ABCB1: variants seen among roughly 807,000 people sequenced by gnomAD.
ABCB1 encodes ATP binding cassette subfamily B member 1.
ABCB1 carries 69 observed loss-of-function variants against 142.0 expected under a neutral mutation model. The observed-to-expected ratio is 0.49, with a 90% CI of 0.40 to 0.59. The LOEUF is 0.59. ABCB1 is among the 20% of genes least tolerant of loss of function. The probability of loss-of-function intolerance (pLI) is 0.00; values close to 1 mark genes in which losing one functional copy is unlikely to be tolerated. For synonymous variants in ABCB1, 532 were observed against 539.2 expected (o/e 0.99, Z 0.18); for missense variants, 1,326 against 1,554.7 (o/e 0.85, Z 2.47).
chr7:87,700,632 A>C, intron 1 of ABCB1: 15 of 1,319,050 alleles, frequency 1.1e-5, no homozygotes, highest in Non-Finnish European at 1.6e-5. Context: ...GTGTGAAGCT[A>C]CTTACTATGA....
At chr7:87,627,009 C>T (rs1180699568) in intron 1 of ABCB1, among the ~76,000 whole-genome samples, 1 of 152,004 alleles carries the variant, frequency 6.6e-6, no homozygotes, top group Admixed American at 6.6e-5. Context: ...CTCCTGACCT[C>T]GTGATCCGCC....
At chr7:87,606,304 C>T (rs1358534705) in intron 1 of ABCB1, among the ~76,000 whole-genome samples, 1 of 151,972 alleles carries the variant, frequency 6.6e-6, no homozygotes, top group African/African-American at 2.4e-5. Context: ...ATCACATGCT[C>T]ACAAGAGTTA....
intron 25 of ABCB1, 99 bp from the exon 26 acceptor site, chr7:87,509,580 G>C: frequency 7.8e-7 from 1 of 1,289,180 alleles, no homozygotes; most frequent in Non-Finnish European, 1.1e-6. Context: ...CCAAGTTACT[G>C]TGAGATTAAG....
intron 1 of ABCB1, among the ~76,000 whole-genome samples, chr7:87,611,961 G>A (rs1413822478): frequency 6.6e-6 from 1 of 151,992 alleles, no homozygotes; most frequent in African/African-American, 2.4e-5. Context: ...TGACCTTAAA[G>A]GAGCTTCTAA....
chr7:87,556,384 G>C (rs75944968), intron 8 of ABCB1, among the ~76,000 whole-genome samples: 255 of 152,256 alleles, frequency 1.7e-3, no homozygotes, highest in African/African-American at 5.5e-3. Flanking sequence ...CTATACGATT[G>C]AATGGAATTT....
intron 1 of ABCB1, among the ~76,000 whole-genome samples, chr7:87,675,596 A>T (rs960993935): frequency 6.6e-6 from 1 of 150,376 alleles, no homozygotes; most frequent in Non-Finnish European, 1.5e-5. Flanking sequence ...AGAGTACACA[A>T]TAGGGAAAGG....
intron 21 of ABCB1, among the ~76,000 whole-genome samples, chr7:87,529,861 G>A (rs770602582): frequency 6.6e-6 from 1 of 152,202 alleles, no homozygotes; most frequent in South Asian, 2.1e-4. Context: ...AGGGGCCAAC[G>A]TTACTTGAGC....
chr7:87,698,758 T>C (rs553381787), intron 1 of ABCB1, among the ~76,000 whole-genome samples: 13 of 152,308 alleles, frequency 8.5e-5, no homozygotes, highest in East Asian at 7.7e-4. Flanking sequence ...TCTTACCGCC[T>C]AATATGTGAA....
intron 1 of ABCB1, among the ~76,000 whole-genome samples, chr7:87,625,053 G>A (rs1169502505): frequency 1.3e-5 from 2 of 152,122 alleles, no homozygotes; most frequent in Non-Finnish European, 2.9e-5. Context: ...TCAGGAGATC[G>A]AGACCATCCT....
At chr7:87,550,984 A>G (rs1817040310) in intron 9 of ABCB1, 146 bp from the exon 10 acceptor site, 1 of 654,290 alleles carries the variant, frequency 1.5e-6, no homozygotes, top group East Asian at 2.7e-5. Flanking sequence ...AAATATTTTA[A>G]AAGTTTGTAA....
At chr7:87,561,124 T>C in intron 8 of ABCB1, 139 bp downstream of exon 8, 1 of 958,354 alleles carries the variant, frequency 1.0e-6, no homozygotes, top group Non-Finnish European at 1.5e-6. Flanking sequence ...AAATATTAGT[T>C]ATGCTGTAAT....
intron 1 of ABCB1, chr7:87,629,115 T>G: frequency 1.9e-6 from 1 of 534,560 alleles, no homozygotes; most frequent in Non-Finnish European, 2.9e-6. Flanking sequence ...GGGGCCCGGG[T>G]CTGGACACCG....
intron 4 of ABCB1, among the ~76,000 whole-genome samples, chr7:87,572,467 G>A (rs980911247): frequency 6.6e-6 from 1 of 152,066 alleles, no homozygotes; most frequent in East Asian, 1.9e-4. Flanking sequence ...TATAGCTTCA[G>A]CCATCAAAAT....
At position 87,553,929 on chromosome 7, in the gene ABCB1, G is replaced by T. The variant is rs1297328873; in HGVS notation, c.831C>A (p.Tyr277Ter). The T allele has an allele frequency of 6.2e-7, 1 of 1,612,188 alleles. No homozygotes were observed. Residue 277 changes from tyrosine to a stop codon, truncating the protein, a stop_gained, in exon 9 of 28, where the codon TAC (tyrosine) becomes TAA (stop). Coordinates refer to ENST00000622132, the MANE Select transcript of ABCB1 (RefSeq NM_001348946.2). LOFTEE classifies it high-confidence loss of function. ...TTTTAGCTTCTTCTAAATTTTTGTT[G>T]TACCTGAGAAAAAGAACAAAAATGA... ...FGGQKKELER[Y>*]NKNLEEAKRI... is the part of the protein sequence containing the mutation.
intron 15 of ABCB1, among the ~76,000 whole-genome samples, chr7:87,545,475 A>G (rs1461569892): frequency 6.6e-6 from 1 of 152,242 alleles, no homozygotes; most frequent in African/African-American, 2.4e-5. Context: ...ATCCCATGAT[A>G]TCGTTTCAAC....
At chr7:87,529,134 G>A (rs1584850673) in intron 21 of ABCB1, among the ~76,000 whole-genome samples, 1 of 152,194 alleles carries the variant, frequency 6.6e-6, no homozygotes, top group Non-Finnish European at 1.5e-5. Flanking sequence ...GTAGACTATA[G>A]TTGGATAAGA....
intron 2 of ABCB1, among the ~76,000 whole-genome samples, chr7:87,596,772 T>C (rs956382035): frequency 3.3e-5 from 5 of 152,106 alleles, no homozygotes; most frequent in Admixed American, 3.3e-4. Flanking sequence ...TTTACCCATT[T>C]GGCTTTGGAG....
chr7:87,616,709 T>C (rs1348556025), intron 1 of ABCB1, among the ~76,000 whole-genome samples: 2 of 152,152 alleles, frequency 1.3e-5, no homozygotes, highest in African/African-American at 4.8e-5. Flanking sequence ...ATCCCAACCT[T>C]AGAGATCAGA....
At chr7:87,580,828 A>G (rs1056481413) in intron 4 of ABCB1, among the ~76,000 whole-genome samples, 1 of 151,756 alleles carries the variant, frequency 6.6e-6, no homozygotes, top group African/African-American at 2.4e-5. Flanking sequence ...CAATTTTGCT[A>G]TTAAGAGACT....
Sources: allele counts gnomAD v4.1 joint callset (sites outside exome capture counted in the v4.1 genomes callset), GRCh38; gene constraint gnomAD v4.1.1; transcripts MANE v1.5; gene names NCBI Gene and HGNC (gene_info 2026-07-23, HGNC 2026-07-21).